Variants in PCDHGB6 observed in about 807,000 individuals in gnomAD.
The protein encoded by PCDHGB6 is protocadherin gamma subfamily B, 6.
A neutral mutation model predicts 59.1 loss-of-function variants in PCDHGB6; 51 were observed. The observed-to-expected ratio is 0.86, with a 90% CI of 0.69 to 1.09. The LOEUF (loss-of-function observed/expected upper bound fraction) is 1.09, where lower values mean the gene tolerates loss of function less well. Ranked by LOEUF, PCDHGB6 falls within the 50% of genes least tolerant of loss-of-function variation. PCDHGB6 has a pLI of 0.00. For missense variants in PCDHGB6, 1,148 were observed against 1,205.1 expected (o/e 0.95, Z 0.70); for synonymous variants, 466 against 495.1 (o/e 0.94, Z 0.78).
At chr5:141,499,726 ACT>A (rs1368224475) in intron 2 of PCDHGB6, among the ~76,000 whole-genome samples, 1 of 128,608 alleles carries the variant, frequency 7.8e-6, no homozygotes, top group African/African-American at 3.0e-5. Flanking sequence ...ACAGAGTCTC[ACT>A]CTCTTGCCCA....
At chr5:141,502,472 A>T (rs1450967250) in intron 2 of PCDHGB6, among the ~76,000 whole-genome samples, 1 of 150,886 alleles carries the variant, frequency 6.6e-6, no homozygotes, top group Non-Finnish European at 1.5e-5. Flanking sequence ...TACTTCCCGC[A>T]GCATCACACT....
intron 1 of PCDHGB6, among the ~76,000 whole-genome samples, chr5:141,484,597 A>C (rs1345278081): frequency 1.3e-5 from 2 of 152,070 alleles, no homozygotes; most frequent in African/African-American, 4.8e-5. Flanking sequence ...CTCATTTAGA[A>C]TACTGGTTGA....
At chr5:141,473,167 C>T (rs1360150717) in intron 1 of PCDHGB6, among the ~76,000 whole-genome samples, 2 of 152,122 alleles carry the variant, frequency 1.3e-5, no homozygotes. Flanking sequence ...TAGGAAGGCC[C>T]ACTGGTAACT....
chr5:141,447,058 G>A (rs1356080567), intron 1 of PCDHGB6, among the ~76,000 whole-genome samples: 1 of 152,068 alleles, frequency 6.6e-6, no homozygotes, highest in Non-Finnish European at 1.5e-5. Flanking sequence ...ATTAAAATGT[G>A]TCAGGCTGTT....
At position 141,490,707 on chromosome 5, in the gene PCDHGB6, C is replaced by T; in HGVS notation, c.2419-4100C>T. ...CAGACACTGGGGATAATGCCCGCCT[C>T]ACCTACTCCATTGTAGGAAATCAGG... On this transcript the variant is annotated intron_variant, in intron 1 of 3. Transcript: ENST00000520790. The surrounding 1 kb of genome is among the most constrained non-coding windows in gnomAD (Gnocchi z 5.4). The T allele has an allele frequency of 3.1e-6, 5 of 1,614,194 alleles. No individual in the cohort carries two copies. Among genetic ancestry groups the T allele is most frequent in the Non-Finnish European group, 3.4e-6 (4 of 1,180,008 alleles).
rs2095305667 is a variant in PCDHGB6 at position 141,409,720 on chromosome 5, A to C, written c.1518A>C (p.Ser506=). Residue 506 remains serine, a synonymous_variant, in exon 1 of 4, where the codon TCA becomes TCC. Transcript: ENST00000520790. ...LEPLAVSSYV[S]VSAQSGVVFA... is the part of the protein sequence containing the mutation. ...CCCTGGCGGTGTCGTCATACGTGTC[A>C]GTGAGCGCGCAGAGCGGGGTGGTGT... 6.2e-7 allele frequency: 1 copy of C among 1,613,176 alleles called. No individual in the cohort carries two copies. The highest frequency in any genetic ancestry group is 8.5e-7 in the Non-Finnish European group (1 of 1,179,888).
At chr5:141,418,068 C>T (rs1292846589) in intron 1 of PCDHGB6, 4 of 1,614,002 alleles carry the variant, frequency 2.5e-6, no homozygotes, top group Non-Finnish European at 3.4e-6. Flanking sequence ...CGAGTGAGCG[C>T]GGAGAAGCTG....
At position 141,432,379 on chromosome 5, in the gene PCDHGB6, G is replaced by A; in HGVS notation, c.2418+21759G>A. On this transcript the variant is annotated intron_variant, in intron 1 of 3. Transcript: ENST00000520790. The surrounding 1 kb of genome is among the most constrained non-coding windows in gnomAD (Gnocchi z 6.0). ...TGATGGCGCGGGACAACGGGCACCC[G>A]CCCCTCAGCAGCAACGTGTCGTTGA... 1.2e-6 allele frequency: 2 copies of A among 1,614,208 alleles called. No homozygotes were observed. The highest frequency in any genetic ancestry group is 1.7e-6 in the Non-Finnish European group (2 of 1,180,038).
rs1453419469 is a variant in PCDHGB6, at chr5:141,505,501, G to A, written c.2566+20G>A. On this transcript the variant is annotated intron_variant, in intron 3 of 3. Transcript: ENST00000520790. ...CCAGTGGTAAGTGGTGTCAGTGTGT[G>A]TATGGAAGAGTGGGAGACCTGGGGT... The A allele has an allele frequency of 1.2e-6, 2 of 1,614,156 alleles. No homozygotes were observed. Among genetic ancestry groups the A allele is most frequent in the Non-Finnish European group, 1.7e-6 (2 of 1,179,970 alleles).
At chr5:141,450,055 G>A (rs1325291695) in intron 1 of PCDHGB6, among the ~76,000 whole-genome samples, 2 of 137,594 alleles carry the variant, frequency 1.5e-5, no homozygotes, top group Non-Finnish European at 3.0e-5. Flanking sequence ...CGCCCAGGCT[G>A]GAATGCAGTG....
chr5:141,482,609 A>G (rs2099569274), intron 1 of PCDHGB6, among the ~76,000 whole-genome samples: 1 of 151,770 alleles, frequency 6.6e-6, no homozygotes, highest in African/African-American at 2.4e-5. Context: ...AAACACCTAA[A>G]TGAGCCTGGA....
At position 141,414,898 on chromosome 5, in the gene PCDHGB6, G is replaced by A. The variant is rs1369274783; in HGVS notation, c.2418+4278G>A. On this transcript the variant is annotated intron_variant, in intron 1 of 3. Coordinates refer to ENST00000520790, the MANE Select transcript of PCDHGB6 (RefSeq NM_018926.3). ...CCTGTACCCCGCCCTCCCCACAGAC[G>A]GTTCCACAGGCGTGGAGCTGGCGCC... is the stretch of plus-strand genomic sequence containing the variant. 2.5e-6 allele frequency: 4 copies of A among 1,614,190 alleles called. No individual in the cohort carries two copies. Among genetic ancestry groups the A allele is most frequent in the Admixed American group, 1.7e-5 (1 of 60,028 alleles).
At position 141,487,075 on chromosome 5, in the gene PCDHGB6, C is replaced by T. The variant is rs755563146; in HGVS notation, c.2419-7732C>T. The T allele has an allele frequency of 1.9e-6, 3 of 1,614,116 alleles. No individual in the cohort carries two copies. The highest frequency in any genetic ancestry group is 2.5e-6 in the Non-Finnish European group (3 of 1,179,982). ...GGGAGGTGCGGACGGCTGTTCCTATCCCAGCTGACCTCCCACCACAGAAGC... is the reference window on the plus strand; with the variant it reads ...GGGAGGTGCGGACGGCTGTTCCTATTCCAGCTGACCTCCCACCACAGAAGC... On this transcript the variant is annotated intron_variant, in intron 1 of 3. Transcript: ENST00000520790. This position sits in a 1 kb window ranked among gnomAD's most constrained non-coding sequence, Gnocchi z 5.0.
chr5:141,448,705 C>T (rs2098601893), intron 1 of PCDHGB6, among the ~76,000 whole-genome samples: 1 of 152,100 alleles, frequency 6.6e-6, no homozygotes, highest in Non-Finnish European at 1.5e-5. Context: ...CTTTGGGAGG[C>T]CGAGGCGGGA....
rs1033888717 is a variant in PCDHGB6 at position 141,512,540 on chromosome 5, T to C, written c.*1367T>C. 6.5e-6 allele frequency: 1 copy of C among 152,886 alleles called. No homozygotes were observed. Among genetic ancestry groups the C allele is most frequent in the African/African-American group, 2.4e-5 (1 of 41,476 alleles). 9.5% of individuals were successfully genotyped at this position (152,886 alleles called of 1,614,324 possible). ...CCATAGCCTGGTTAAAGTTCCCCAGTGCCTCCTTGTGCATAGACCTTCTTC... is the reference window on the plus strand; with the variant it reads ...CCATAGCCTGGTTAAAGTTCCCCAGCGCCTCCTTGTGCATAGACCTTCTTC... On this transcript the variant is annotated 3_prime_UTR_variant, in exon 4 of 4. Transcript: ENST00000520790.
Position 141,491,815 on chromosome 5 carries a change from C to T in PCDHGB6, c.2419-2992C>T. The T allele has an allele frequency of 6.7e-7, 1 of 1,485,264 alleles. No individual in the cohort carries two copies. Among genetic ancestry groups the T allele is most frequent in the African/African-American group, 1.4e-5 (1 of 70,622 alleles). The allele number at this position is 1,485,264 out of a possible 1,614,324, so 92.0% of individuals were successfully genotyped here. ...CCTCTCCGGCCGGCTTGGTCGCTGGCTGCGCTCCACCCGATTCTCGGGATC... is the reference window on the plus strand; with the variant it reads ...CCTCTCCGGCCGGCTTGGTCGCTGGTTGCGCTCCACCCGATTCTCGGGATC... On this transcript the variant is annotated intron_variant, in intron 1 of 3. Coordinates refer to ENST00000520790, the MANE Select transcript of PCDHGB6 (RefSeq NM_018926.3). This position sits in a 1 kb window ranked among gnomAD's most constrained non-coding sequence, Gnocchi z 6.9.
At chr5:141,427,824 G>A (rs1298494092) in intron 1 of PCDHGB6, 5 of 1,535,458 alleles carry the variant, frequency 3.3e-6, no homozygotes, top group African/African-American at 1.4e-5. Flanking sequence ...GGTGGTGGTC[G>A]CGCAGCGTGC....
At chr5:141,495,015 G>C in intron 2 of PCDHGB6, 150 bp downstream of exon 2, 2 of 1,507,428 alleles carry the variant, frequency 1.3e-6, no homozygotes, top group East Asian at 4.9e-5. Flanking sequence ...CGGGGGGCTG[G>C]CACACAGACC....
chr5:141,429,169 T>TACGC (rs2097190400), intron 1 of PCDHGB6: 1 of 145,394 alleles, frequency 6.9e-6, no homozygotes, highest in Non-Finnish European at 1.5e-5. Flanking sequence ...ACATTGTTTA[T>TACGC]ACACACACAC....
Sources: gnomAD v4.1 joint callset for allele counts (sites outside exome capture counted in the v4.1 genomes callset) on GRCh38, gnomAD v4.1.1 for gene constraint, Gnocchi (gnomAD v3.1) non-coding constraint, MANE v1.5 for transcripts, NCBI Gene and HGNC (gene_info 2026-07-23, HGNC 2026-07-21) for gene names.